The following RBFOX3 variants were observed in gnomAD, a reference collection of about 807,000 sequenced individuals.
RBFOX3 encodes RNA binding fox-1 homolog 3, also known as RNA binding protein fox-1 homolog 3.
Under a neutral mutation model 48.7 loss-of-function variants are expected in RBFOX3, and 17 were observed. The ratio of observed to expected loss-of-function variants is 0.35; its 90% CI spans 0.24 to 0.52. The LOEUF (loss-of-function observed/expected upper bound fraction) is 0.52. RBFOX3 is among the 20% of genes least tolerant of loss of function. RBFOX3 has a pLI of 0.94. For synonymous variants in RBFOX3, 212 were observed against 209.5 expected, an observed-to-expected ratio of 1.01 and a Z score of -0.10; for missense variants, 382 against 497.5, an observed-to-expected ratio of 0.77 and a Z score of 2.21.
At chr17:79,138,009 T>C (rs1005739305) in intron 4 of RBFOX3, among the ~76,000 whole-genome samples, 2 of 152,100 alleles carry the variant, frequency 1.3e-5, no homozygotes, top group Non-Finnish European at 2.9e-5. Flanking sequence ...CGGAGGCACA[T>C]CCCAGGCAGC....
chr17:79,399,791 C>T (rs1210569535), intron 2 of RBFOX3, among the ~76,000 whole-genome samples: 1 of 152,254 alleles, frequency 6.6e-6, no homozygotes, highest in Non-Finnish European at 1.5e-5. Flanking sequence ...ACACCACAGA[C>T]CCTCGGGCGC....
intron 2 of RBFOX3, among the ~76,000 whole-genome samples, chr17:79,441,616 C>T (rs562270596): frequency 6.6e-6 from 1 of 152,300 alleles, no homozygotes; most frequent in Non-Finnish European, 1.5e-5. Flanking sequence ...CTGCCAATAC[C>T]TTGATCTTGG....
intron 4 of RBFOX3, among the ~76,000 whole-genome samples, chr17:79,171,972 G>A (rs533275639): frequency 3.3e-5 from 5 of 152,118 alleles, no homozygotes; most frequent in South Asian, 2.1e-4. Flanking sequence ...AGGAGAGTTC[G>A]AGACCAGCCT....
At chr17:79,259,296 G>A (rs991561767) in intron 3 of RBFOX3, among the ~76,000 whole-genome samples, 12 of 152,212 alleles carry the variant, frequency 7.9e-5, no homozygotes, top group Admixed American at 2.0e-4. Context: ...AGTGGGGAGT[G>A]GGCACAGCAC....
intron 3 of RBFOX3, among the ~76,000 whole-genome samples, chr17:79,258,298 C>T (rs1007477090): frequency 1.3e-5 from 2 of 152,140 alleles, no homozygotes; most frequent in African/African-American, 4.8e-5. Context: ...AGTGATACGC[C>T]GCAGACACAG....
chr17:79,492,417 C>G lies in RBFOX3; in HGVS notation c.-319-9819G>C, dbSNP rs377572164. Among the ~76,000 whole-genome samples, 495 of 152,342 alleles carry G rather than the reference C, an allele frequency of 3.2e-3. 6 individuals carry two copies. The highest frequency in any genetic ancestry group is 0.02 in the Middle Eastern group (6 of 294). Reference sequence around the variant, plus strand: ...GGTCTTAAAAGAGCTCCATCTTTCTCTCACTCTGGAGGAAGTCAGCCGCCC... The same window carrying G: ...GGTCTTAAAAGAGCTCCATCTTTCTGTCACTCTGGAGGAAGTCAGCCGCCC... On this transcript the variant is annotated intron_variant, in intron 1 of 14. Coordinates refer to ENST00000693108, the MANE Select transcript of RBFOX3 (RefSeq NM_001350451.2).
intron 3 of RBFOX3, among the ~76,000 whole-genome samples, chr17:79,260,338 A>G (rs1237727836): frequency 1.3e-5 from 2 of 152,084 alleles, no homozygotes; most frequent in African/African-American, 4.8e-5. Context: ...GCCACAGTGG[A>G]TCCAGCACTG....
chr17:79,329,003 G>C (rs759125374), intron 2 of RBFOX3, among the ~76,000 whole-genome samples: 4 of 152,168 alleles, frequency 2.6e-5, no homozygotes, highest in Admixed American at 1.3e-4. Context: ...GAAGGCAGAG[G>C]GGAAGAAGTA....
intron 1 of RBFOX3, chr17:79,601,972 G>C (rs2093714735): frequency 6.6e-6 from 1 of 152,192 alleles, no homozygotes; most frequent in Non-Finnish European, 1.5e-5. Flanking sequence ...CCAACACAAA[G>C]TGCAGATCTG....
chr17:79,455,190 C>G (rs888567471), intron 2 of RBFOX3, among the ~76,000 whole-genome samples: 4 of 152,200 alleles, frequency 2.6e-5, no homozygotes, highest in Non-Finnish European at 5.9e-5. Flanking sequence ...AGCCCCATAA[C>G]TGGAGGAAGC....
chr17:79,423,520 G>C lies in RBFOX3; in HGVS notation c.-175+58934C>G, dbSNP rs753326117. ...GAAGTCACATCCTGCCAGCGCTGCC[G>C]GTACCCAGCACCTGGGGTTCTCCGC... On this transcript the variant is annotated intron_variant, in intron 2 of 14. Coordinates refer to ENST00000693108, the MANE Select transcript of RBFOX3 (RefSeq NM_001350451.2). This position sits in a 1 kb window ranked among gnomAD's most constrained non-coding sequence, Gnocchi z 4.9. Among the ~76,000 whole-genome samples, 1 of 151,976 alleles carries C rather than the reference G, an allele frequency of 6.6e-6. No homozygotes were observed. Among genetic ancestry groups the C allele is most frequent in the Non-Finnish European group, 1.5e-5 (1 of 67,994 alleles).
intron 3 of RBFOX3, among the ~76,000 whole-genome samples, chr17:79,295,011 T>C (rs535188993): frequency 2.0e-4 from 31 of 152,226 alleles, no homozygotes; most frequent in Non-Finnish European, 4.4e-4. Flanking sequence ...GAGTGTGGTC[T>C]TCCACTTCGA....
At chr17:79,096,538 AGGGTG>A in intron 12 of RBFOX3, 110 bp downstream of exon 12, 3 of 898,362 alleles carry the variant, frequency 3.3e-6, no homozygotes, top group East Asian at 2.7e-5. Context: ...CCTGGCTTCA[AGGGTG>A]GGATGGGATG....
At chr17:79,617,777 G>A in the RBFOX3 span, among the ~76,000 whole-genome samples, 1 of 152,188 alleles carries the variant, frequency 6.6e-6, no homozygotes, top group Non-Finnish European at 1.5e-5. Flanking sequence ...AGGTCATGTT[G>A]CACAGTCCGC....
chr17:79,176,441 T>C (rs2050558455), intron 4 of RBFOX3, among the ~76,000 whole-genome samples: 1 of 152,212 alleles, frequency 6.6e-6, no homozygotes, highest in Admixed American at 6.5e-5. Context: ...AGTCCCAGCC[T>C]TCCTGCCCAG....
chr17:79,178,046 C>G (rs888402340), intron 4 of RBFOX3, among the ~76,000 whole-genome samples: 1 of 152,362 alleles, frequency 6.6e-6, no homozygotes, highest in East Asian at 1.9e-4. Flanking sequence ...CCCGCCGATC[C>G]TCCACCGAGC....
chr17:79,150,207 C>T (rs1439093471), intron 4 of RBFOX3, among the ~76,000 whole-genome samples: 1 of 151,878 alleles, frequency 6.6e-6, no homozygotes, highest in Admixed American at 6.6e-5. Context: ...TGGGCCACGA[C>T]CTAGAGCAGC....
chr17:79,412,831 GT>G (rs2064679168), intron 2 of RBFOX3, among the ~76,000 whole-genome samples: 1 of 151,416 alleles, frequency 6.6e-6, no homozygotes, highest in African/African-American at 2.4e-5. Context: ...GTGTATATAT[GT>G]GAGGGCATGG....
At position 79,390,315 on chromosome 17, in the gene RBFOX3, C is replaced by T. The variant is rs1000860005; in HGVS notation, c.-174-82491G>A. On this transcript the variant is annotated intron_variant, in intron 2 of 14. Transcript: ENST00000693108. This position sits in a 1 kb window ranked among gnomAD's most constrained non-coding sequence, Gnocchi z 4.2. ...CAGCATCCCGGGGGGACTTCTTAGA[C>T]TCCACTCTGAGTTTGGCTTTGCCAC... 1.3e-5 allele frequency among the ~76,000 whole-genome samples: 2 copies of T among 152,356 alleles called. No individual in the cohort carries two copies. The highest frequency in any genetic ancestry group is 6.5e-5 in the Admixed American group (1 of 15,310).
Sources: allele counts gnomAD v4.1 joint callset (sites outside exome capture counted in the v4.1 genomes callset), GRCh38; gene constraint gnomAD v4.1.1; non-coding constraint Gnocchi (gnomAD v3.1); transcripts MANE v1.5; gene names NCBI Gene and HGNC (gene_info 2026-07-23, HGNC 2026-07-21).